Variants in TENM3 observed in about 807,000 individuals in gnomAD.
The protein encoded by TENM3 is teneurin transmembrane protein 3.
Under a neutral mutation model 255.1 loss-of-function variants are expected in TENM3, and 63 were observed. The ratio of observed to expected loss-of-function variants is 0.25; its 90% CI spans 0.20 to 0.30. The LOEUF (loss-of-function observed/expected upper bound fraction) is 0.30. Among genes scored for constraint, TENM3 ranks in the 10% least tolerant of loss-of-function variants. TENM3 has a pLI of 1.00. For missense variants in TENM3, 2,929 were observed against 3,461.1 expected (o/e 0.85, Z 3.86); for synonymous variants, 1,306 against 1,322.3 (o/e 0.99, Z 0.27).
intron 1 of TENM3, among the ~76,000 whole-genome samples, chr4:182,188,014 A>G (rs151057211): frequency 1.3e-5 from 2 of 152,294 alleles, no homozygotes; most frequent in East Asian, 3.9e-4. Context: ...ACCTTTCTGT[A>G]CTGTGATACA....
chr4:181,725,908 G>C, the TENM3 span, among the ~76,000 whole-genome samples: 1 of 152,046 alleles, frequency 6.6e-6, no homozygotes, highest in Non-Finnish European at 1.5e-5. Flanking sequence ...TTAGGGAAAA[G>C]CTTAATATCT....
At chr4:182,177,244 A>G (rs1222908713) in intron 1 of TENM3, among the ~76,000 whole-genome samples, 1 of 152,088 alleles carries the variant, frequency 6.6e-6, no homozygotes, top group Non-Finnish European at 1.5e-5. Context: ...CCAAGACCCA[A>G]TGATACATTT....
At chr4:182,100,800 TATATATACAC>T in the TENM3 span, among the ~76,000 whole-genome samples, 427 of 3,716 alleles carry the variant, frequency 0.11, 95 homozygotes, top group East Asian at 0.4. Context: ...TATATACACA[TATATATACAC>T]ATATATATAC....
At chr4:181,578,380 G>A in the TENM3 span, among the ~76,000 whole-genome samples, 2,204 of 152,218 alleles carry the variant, frequency 0.014, 49 homozygotes, top group African/African-American at 0.051. Context: ...AGAGTCTCTA[G>A]GCTTAACTGA....
the TENM3 span, among the ~76,000 whole-genome samples, chr4:181,682,540 G>C: frequency 1.3e-5 from 2 of 152,106 alleles, no homozygotes; most frequent in African/African-American, 4.8e-5. Context: ...AAAGCAACAG[G>C]ATGTGGTTTT....
chr4:182,466,296 C>G (rs937402332), intron 3 of TENM3, among the ~76,000 whole-genome samples: 1 of 152,174 alleles, frequency 6.6e-6, no homozygotes, highest in African/African-American at 2.4e-5. Flanking sequence ...CATGCTTCCT[C>G]TGAATACTCT....
At chr4:182,509,631 A>G (rs11725214) in intron 3 of TENM3, among the ~76,000 whole-genome samples, 39,485 of 152,172 alleles carry the variant, frequency 0.26, 6,315 homozygotes, top group South Asian at 0.38. Flanking sequence ...AATTAAATCA[A>G]TGAGGGGATG....
At chr4:182,358,205 T>C (rs1394399889) in intron 3 of TENM3, among the ~76,000 whole-genome samples, 2 of 149,592 alleles carry the variant, frequency 1.3e-5, no homozygotes, top group African/African-American at 2.5e-5. Flanking sequence ...ATGCGGGCTC[T>C]TTTTTGGTTC....
rs77672009 is a variant in TENM3, at chr4:182,789,043, G to C, written c.5305-50G>C. 0.048 allele frequency: 70,515 copies of C among 1,478,526 alleles called. 2,004 individuals carry two copies. Among genetic ancestry groups the C allele is most frequent in the Non-Finnish European group, 0.055 (60,277 of 1,091,718 alleles). 91.6% of individuals were successfully genotyped at this position (1,478,526 alleles called of 1,614,324 possible). On this transcript the variant is annotated intron_variant, in intron 24 of 27. Coordinates refer to ENST00000511685, the MANE Select transcript of TENM3 (RefSeq NM_001080477.4). This position sits in a 1 kb window ranked among gnomAD's most constrained non-coding sequence, Gnocchi z 4.4. ...GTGTTTAAACAATACTGGGGACTCC[G>C]GTGTTGGAATAACATGATTTATTTT...
the TENM3 span, among the ~76,000 whole-genome samples, chr4:181,709,762 C>T: frequency 6.6e-5 from 10 of 152,140 alleles, no homozygotes; most frequent in African/African-American, 9.7e-5. Context: ...GAGACATTAG[C>T]GCAGATAAGG....
intron 3 of TENM3, among the ~76,000 whole-genome samples, chr4:182,600,475 A>T (rs1014389556): frequency 1.3e-4 from 20 of 152,114 alleles, no homozygotes; most frequent in African/African-American, 4.8e-4. Flanking sequence ...AATAAAGCTT[A>T]AAAAAACTCC....
intron 1 of TENM3, among the ~76,000 whole-genome samples, chr4:182,204,035 C>T (rs925956102): frequency 1.3e-5 from 2 of 152,134 alleles, no homozygotes; most frequent in South Asian, 2.1e-4. Flanking sequence ...AGCATCAGAG[C>T]GCCGACAGTA....
intron 12 of TENM3, among the ~76,000 whole-genome samples, chr4:182,706,631 A>T (rs967635415): frequency 1.3e-5 from 2 of 152,156 alleles, no homozygotes; most frequent in African/African-American, 4.8e-5. Context: ...GTCATTTTAT[A>T]TGGTCATTTT....
chr4:181,534,106 C>T, the TENM3 span, among the ~76,000 whole-genome samples: 2 of 151,910 alleles, frequency 1.3e-5, no homozygotes, highest in African/African-American at 4.8e-5. Context: ...GAACTGCATT[C>T]AAGGCCGGGT....
intron 3 of TENM3, among the ~76,000 whole-genome samples, chr4:182,373,384 C>T (rs916348043): frequency 3.9e-5 from 6 of 152,142 alleles, no homozygotes; most frequent in African/African-American, 1.4e-4. Flanking sequence ...GTTTATTTGG[C>T]TCACAGTTCT....
the TENM3 span, among the ~76,000 whole-genome samples, chr4:181,824,203 A>T: frequency 1.3e-5 from 2 of 151,802 alleles, no homozygotes; most frequent in Non-Finnish European, 2.9e-5. Flanking sequence ...TTGGGTTCAA[A>T]TGGTCCTCCC....
At chr4:182,151,406 ATCTAT>A (rs1278733541) in intron 1 of TENM3, among the ~76,000 whole-genome samples, 2 of 152,122 alleles carry the variant, frequency 1.3e-5, no homozygotes, top group Non-Finnish European at 2.9e-5. Context: ...AAAGAGTAAC[ATCTAT>A]TCTAATACTT....
At chr4:182,340,773 G>C (rs147211364) in intron 2 of TENM3, among the ~76,000 whole-genome samples, 36 of 152,284 alleles carry the variant, frequency 2.4e-4, no homozygotes, top group Middle Eastern at 3.4e-3. Flanking sequence ...CACCTAATAA[G>C]AAATGCTTTC....
intron 1 of TENM3, among the ~76,000 whole-genome samples, chr4:182,243,743 C>T (rs1410356723): frequency 6.6e-6 from 1 of 152,048 alleles, no homozygotes; most frequent in Non-Finnish European, 1.5e-5. Context: ...TCAGCACGTC[C>T]TTGTTTTATA....
Sources: allele counts gnomAD v4.1 joint callset (sites outside exome capture counted in the v4.1 genomes callset), GRCh38; gene constraint gnomAD v4.1.1; non-coding constraint Gnocchi (gnomAD v3.1); transcripts MANE v1.5; gene names NCBI Gene and HGNC (gene_info 2026-07-23, HGNC 2026-07-21).